The following PFN1 variants were observed in gnomAD, a reference collection of about 807,000 sequenced individuals.
The protein encoded by PFN1 is profilin 1.
In PFN1, 2 loss-of-function variants were observed where a neutral mutation model predicts 11.7. That is an observed-to-expected ratio of 0.17 (90% CI 0.07 to 0.54). The LOEUF (loss-of-function observed/expected upper bound fraction) is 0.54, where lower values mean the gene tolerates loss of function less well. Ranked by LOEUF, PFN1 falls within the 20% of genes least tolerant of loss-of-function variation. The pLI is 0.94. For missense variants in PFN1, 97 were observed against 188.4 expected (o/e 0.51, Z 2.84); for synonymous variants, 78 against 76.2 (o/e 1.02, Z -0.12).
chr17:4,948,396 GCGCTGCTAC>G lies in PFN1; in HGVS notation c.-11_-3del. 1 of 1,603,626 alleles carries G rather than the reference GCGCTGCTAC, an allele frequency of 6.2e-7. No homozygotes were observed. Among genetic ancestry groups the G allele is most frequent in the Non-Finnish European group, 8.5e-7 (1 of 1,177,220 alleles). On this transcript the variant is annotated 5_prime_UTR_variant, in exon 1 of 3. Coordinates refer to ENST00000225655, the MANE Select transcript of PFN1 (RefSeq NM_005022.4). ...GATGTAGGCGTTCCACCCGGCCATG[GCGCTGCTAC>G]TGGGGCTGCTCTCGGCGCTGCTGCT...
At chr17:4,946,588 G>A in intron 2 of PFN1, 40 bp downstream of exon 2, 1 of 1,514,474 alleles carries the variant, frequency 6.6e-7, no homozygotes, top group Non-Finnish European at 9.0e-7. Context: ...GTACATTAGA[G>A]ATCTTGGAGC....
In PFN1 at chr17:4,948,427, T is replaced by C. The variant is rs769919606; in HGVS notation, c.-33A>G. ...CTACTGGGGCTGCTCTCGGCGCTGC[T>C]GCTGGGGCCGCGGACTGGGCTCGAG... is the stretch of plus-strand genomic sequence containing the variant. On this transcript the variant is annotated 5_prime_UTR_variant, in exon 1 of 3. Coordinates refer to ENST00000225655, the MANE Select transcript of PFN1 (RefSeq NM_005022.4). The C allele has an allele frequency of 6.4e-7, 1 of 1,569,548 alleles. No homozygotes were observed.
At chr17:4,948,033 C>G (rs747549546) in intron 1 of PFN1, 14 of 459,356 alleles carry the variant, frequency 3.0e-5, no homozygotes, top group Non-Finnish European at 4.2e-5. Context: ...TGTAACGCCC[C>G]GTCGCGGAAA....
Position 4,946,143 on chromosome 17 carries a change from TGTCA to T in PFN1, c.326-150_326-147del. 5.2e-6 allele frequency: 3 copies of T among 581,896 alleles called. 1 individual carries two copies. In the South Asian group the frequency reaches 5.8e-5, roughly 11 times the overall value. The allele number at this position is 581,896 out of a possible 1,614,324, so 36.0% of individuals were successfully genotyped here. A position where few individuals can be genotyped will look rare whatever the true frequency, so the allele number is the denominator to read the frequency against. ...GCCCCCCCACCACACACAGGCAGGC[TGTCA>T]GTCACCCTGAAACAATAAGGCTTTT... is the stretch of plus-strand genomic sequence containing the variant. On this transcript the variant is annotated intron_variant, in intron 2 of 2. Transcript: ENST00000225655.
At chr17:4,947,794 G>A (rs1971437315) in intron 1 of PFN1, among the ~76,000 whole-genome samples, 1 of 152,170 alleles carries the variant, frequency 6.6e-6, no homozygotes, top group Non-Finnish European at 1.5e-5. Flanking sequence ...CAGAGGGTGG[G>A]CAAGGGACCA....
Position 4,945,895 on chromosome 17 carries a change from C to T in PFN1, c.*5G>A, listed in dbSNP as rs778615999. The T allele has an allele frequency of 2.5e-5, 39 of 1,562,600 alleles. No individual in the cohort carries two copies. The highest frequency in any genetic ancestry group is 5.0e-5 in the Admixed American group (3 of 59,900). On this transcript the variant is annotated 3_prime_UTR_variant, in exon 3 of 3. Transcript: ENST00000225655. ...GGAGCGGTGAAGGGGAAGGGACAGA[C>T]GAGGTCAGTACTGGGAACGCCGAAG...
At chr17:4,946,074 G>T (rs1971381780) in intron 2 of PFN1, 77 bp from the exon 3 acceptor site, 2 of 1,107,482 alleles carry the variant, frequency 1.8e-6, no homozygotes, top group Non-Finnish European at 2.8e-6. Context: ...TTCAGCAGCT[G>T]TCCAGCCCTG....
intron 1 of PFN1, chr17:4,947,171 G>A (rs1165485080): frequency 7.5e-6 from 1 of 133,884 alleles, no homozygotes; most frequent in Admixed American, 8.2e-5. Context: ...CTCTCCTTCA[G>A]GAAAAGCAGA....
chr17:4,948,508 C>T lies in PFN1; in HGVS notation c.-114G>A. On this transcript the variant is annotated 5_prime_UTR_variant, in exon 1 of 3. Transcript: ENST00000225655. Reference sequence around the variant, plus strand: ...AGAGCTCGGGGCACGCGCTGCCGTCCGGACCGCGGCTCCGCTCGCTGTGCA... The same window carrying T: ...AGAGCTCGGGGCACGCGCTGCCGTCTGGACCGCGGCTCCGCTCGCTGTGCA... The T allele has an allele frequency of 1.7e-6, 2 of 1,210,422 alleles. No homozygotes were observed. The highest frequency in any genetic ancestry group is 2.2e-6 in the Non-Finnish European group (2 of 918,898). 75.0% of individuals were successfully genotyped at this position (1,210,422 alleles called of 1,614,324 possible).
At position 4,946,649 on chromosome 17, in the gene PFN1, T is replaced by C. The variant is rs1414388823; in HGVS notation, c.304A>G (p.Thr102Ala). 1.2e-6 allele frequency: 2 copies of C among 1,612,722 alleles called. No individual in the cohort carries two copies. Among genetic ancestry groups the C allele is most frequent in the Non-Finnish European group, 1.7e-6 (2 of 1,179,216 alleles). Reference sequence around the variant, plus strand: ...TCACTCTTGTCAGTCTTGGTGACAGTGACATTGAAGGTGGGGGCCCCACCG... The same window carrying C: ...TCACTCTTGTCAGTCTTGGTGACAGCGACATTGAAGGTGGGGGCCCCACCG... ...STGGAPTFNV[T>A]VTKTDKTLVL... Residue 102 changes from threonine (T) to alanine (A), a missense_variant, in exon 2 of 3, where the codon ACT becomes GCT. Transcript: ENST00000225655.
Position 4,946,062 on chromosome 17 carries a change from T to A in PFN1, c.326-65A>T, listed in dbSNP as rs142426330. The A allele has an allele frequency of 6.3e-5, 78 of 1,235,342 alleles. No individual in the cohort carries two copies. In the African/African-American group the frequency reaches 1.0e-3, roughly 16 times the overall value. The allele number at this position is 1,235,342 out of a possible 1,614,324, so 76.5% of individuals were successfully genotyped here. ...TGTCACAATTCCACCCCCTGCCAGCTGTTCAGCAGCTGTCCAGCCCTGGGG... is the reference window on the plus strand; with the variant it reads ...TGTCACAATTCCACCCCCTGCCAGCAGTTCAGCAGCTGTCCAGCCCTGGGG... On this transcript the variant is annotated intron_variant, in intron 2 of 2. Transcript: ENST00000225655.
chr17:4,948,488 TC>T lies in PFN1; in HGVS notation c.-95del, dbSNP rs1172766545. On this transcript the variant is annotated 5_prime_UTR_variant, in exon 1 of 3. Coordinates refer to ENST00000225655, the MANE Select transcript of PFN1 (RefSeq NM_005022.4). Reference sequence around the variant, plus strand: ...TGGCGGGCGGGGGGAGGCGGAGAGCTCGGGGCACGCGCTGCCGTCCGGACCG... The same window carrying T: ...TGGCGGGCGGGGGGAGGCGGAGAGCTGGGGCACGCGCTGCCGTCCGGACCG... 7.3e-7 allele frequency: 1 copy of T among 1,370,184 alleles called. No individual in the cohort carries two copies. The highest frequency in any genetic ancestry group is 2.9e-5 in the East Asian group (1 of 34,742). The allele number at this position is 1,370,184 out of a possible 1,614,324, so 84.9% of individuals were successfully genotyped here. A position where few individuals can be genotyped will look rare whatever the true frequency, so the allele number is the denominator to read the frequency against.
chr17:4,946,088 G>A (rs1327515180), intron 2 of PFN1, 91 bp from the exon 3 acceptor site: 1 of 931,968 alleles, frequency 1.1e-6, no homozygotes, highest in Non-Finnish European at 1.7e-6. Flanking sequence ...AGCCCTGGGG[G>A]CTGTAACCCA....
Position 4,948,390 on chromosome 17 carries a change from G to T in PFN1, c.5C>A (p.Ala2Asp). M[A>D]GWNAYIDNLM... is the part of the protein sequence containing the mutation. ...GTTGTCGATGTAGGCGTTCCACCCG[G>T]CCATGGCGCTGCTACTGGGGCTGCT... Residue 2 changes from alanine to aspartate, a missense_variant, in exon 1 of 3, where the codon GCC becomes GAC. Ala to Asp is a moderately radical substitution (Grantham distance 126). Coordinates refer to ENST00000225655, the MANE Select transcript of PFN1 (RefSeq NM_005022.4). The T allele has an allele frequency of 6.2e-7, 1 of 1,604,812 alleles. No homozygotes were observed.
In PFN1 at chr17:4,948,381, T is replaced by G. The variant is rs1194625099; in HGVS notation, c.14A>C (p.Asn5Thr). MAGW[N>T]AYIDNLMADG... ...CGCCATGAGGTTGTCGATGTAGGCG[T>G]TCCACCCGGCCATGGCGCTGCTACT... is the stretch of plus-strand genomic sequence containing the variant. Residue 5 changes from asparagine to threonine, a missense_variant, in exon 1 of 3, where the codon AAC (asparagine) becomes ACC (threonine). Physicochemically the swap from Asn to Thr is moderately conservative, Grantham distance 65. Coordinates refer to ENST00000225655, the MANE Select transcript of PFN1 (RefSeq NM_005022.4). The G allele has an allele frequency of 6.2e-7, 1 of 1,606,300 alleles. No homozygotes were observed. The highest frequency in any genetic ancestry group is 8.5e-7 in the Non-Finnish European group (1 of 1,177,774).
intron 1 of PFN1, 95 bp downstream of exon 1, chr17:4,948,168 C>T (rs1971448240): frequency 1.4e-6 from 2 of 1,414,898 alleles, no homozygotes; most frequent in Non-Finnish European, 1.9e-6. Context: ...CAGGGCCTCT[C>T]GCTGCGCGCC....
intron 1 of PFN1, among the ~76,000 whole-genome samples, chr17:4,947,838 G>C (rs191391924): frequency 3.5e-4 from 53 of 152,252 alleles, no homozygotes; most frequent in African/African-American, 1.3e-3. Context: ...TCCGCACCAG[G>C]AGAAACAATG....
rs1417364697 is a variant in PFN1 at position 4,948,362 on chromosome 17, G to A, written c.33C>T (p.Leu11=). MAGWNAYIDN[L]MADGTCQDAA... ...CGTCCTGACAGGTCCCGTCCGCCAT[G>A]AGGTTGTCGATGTAGGCGTTCCACC... The change falls in exon 1 of 3, where the codon CTC becomes CTT. Residue 11 remains leucine, a synonymous_variant. Transcript: ENST00000225655. 9 of 1,610,152 alleles carry A rather than the reference G, an allele frequency of 5.6e-6. No homozygotes were observed. The highest frequency in any genetic ancestry group is 2.3e-5 in the East Asian group (1 of 44,220).
Position 4,945,733 on chromosome 17 carries a change from G to T in PFN1, c.*167C>A. 1.8e-6 allele frequency: 1 copy of T among 558,144 alleles called. No homozygotes were observed. Among genetic ancestry groups the T allele is most frequent in the Non-Finnish European group, 3.3e-6 (1 of 303,868 alleles). 34.6% of individuals were successfully genotyped at this position (558,144 alleles called of 1,614,324 possible). A position where few individuals can be genotyped will look rare whatever the true frequency, so the allele number is the denominator to read the frequency against. On this transcript the variant is annotated 3_prime_UTR_variant, in exon 3 of 3. Coordinates refer to ENST00000225655, the MANE Select transcript of PFN1 (RefSeq NM_005022.4). Reference sequence around the variant, plus strand: ...CCAACCACACACGGGAGGGATATGGGTAGGGGGAGGTGTCTGTCCATCCAG... The same window carrying T: ...CCAACCACACACGGGAGGGATATGGTTAGGGGGAGGTGTCTGTCCATCCAG...
Sources: gnomAD v4.1 joint callset for allele counts (sites outside exome capture counted in the v4.1 genomes callset) on GRCh38, gnomAD v4.1.1 for gene constraint, MANE v1.5 for transcripts, NCBI Gene and HGNC (gene_info 2026-07-23, HGNC 2026-07-21) for gene names.